The following LURAP1L variants were observed in gnomAD, a reference collection of about 807,000 sequenced individuals.
The protein encoded by LURAP1L is leucine rich adaptor protein 1-like.
Under a neutral mutation model 13.8 loss-of-function variants are expected in LURAP1L, and 12 were observed. The observed-to-expected ratio is 0.87, with a 90% CI of 0.56 to 1.41. The LOEUF (loss-of-function observed/expected upper bound fraction) is 1.41, where lower values mean the gene tolerates loss of function less well. Among genes scored for constraint, LURAP1L ranks in the 40% most tolerant of loss-of-function variants. The probability of loss-of-function intolerance (pLI) is 0.00; values close to 1 mark genes in which losing one functional copy is unlikely to be tolerated. For missense variants in LURAP1L, 375 were observed against 292.9 expected, an observed-to-expected ratio of 1.28 and a Z score of -2.04; for synonymous variants, 139 against 119.2, an observed-to-expected ratio of 1.17 and a Z score of -1.08.
At chr9:12,812,956 T>C (rs1819757960) in intron 1 of LURAP1L, among the ~76,000 whole-genome samples, 1 of 152,300 alleles carries the variant, frequency 6.6e-6, no homozygotes, top group Admixed American at 6.5e-5. Context: ...GAAAAGACAC[T>C]AAAAACTTTG....
At chr9:12,809,427 G>A (rs752167959) in intron 1 of LURAP1L, among the ~76,000 whole-genome samples, 3 of 152,102 alleles carry the variant, frequency 2.0e-5, no homozygotes, top group Non-Finnish European at 4.4e-5. Context: ...CCCATCAAAG[G>A]CATTATTTAT....
chr9:12,782,424 A>T (rs1819285777), intron 1 of LURAP1L, among the ~76,000 whole-genome samples: 1 of 152,178 alleles, frequency 6.6e-6, no homozygotes, highest in Non-Finnish European at 1.5e-5. Flanking sequence ...ATATGGCAAG[A>T]GATAGGGGTC....
At chr9:12,794,912 C>T (rs940331556) in intron 1 of LURAP1L, among the ~76,000 whole-genome samples, 2 of 151,934 alleles carry the variant, frequency 1.3e-5, no homozygotes, top group African/African-American at 2.4e-5. Flanking sequence ...ATGTATTTCA[C>T]GTTACTTAAC....
At chr9:12,811,714 C>A (rs1312670188) in intron 1 of LURAP1L, among the ~76,000 whole-genome samples, 1 of 152,200 alleles carries the variant, frequency 6.6e-6, no homozygotes, top group Non-Finnish European at 1.5e-5. Context: ...TATATACCAA[C>A]AGCATTGGTG....
At chr9:12,794,943 T>C (rs566323676) in intron 1 of LURAP1L, among the ~76,000 whole-genome samples, 2 of 152,000 alleles carry the variant, frequency 1.3e-5, no homozygotes, top group Admixed American at 6.6e-5. Context: ...GTAGGTAAAG[T>C]ATGAGGTTGC....
chr9:12,794,171 T>C (rs1027809633), intron 1 of LURAP1L, among the ~76,000 whole-genome samples: 1 of 152,056 alleles, frequency 6.6e-6, no homozygotes, highest in Admixed American at 6.6e-5. Context: ...AACTGGTTGT[T>C]CCGAGTGCCA....
At chr9:12,785,359 C>T (rs1586875892) in intron 1 of LURAP1L, among the ~76,000 whole-genome samples, 1 of 152,096 alleles carries the variant, frequency 6.6e-6, no homozygotes, top group African/African-American at 2.4e-5. Flanking sequence ...CCTCGGCTGG[C>T]CCAGCTGATG....
intron 1 of LURAP1L, among the ~76,000 whole-genome samples, chr9:12,794,182 T>C (rs1819482870): frequency 1.3e-5 from 2 of 152,066 alleles, no homozygotes; most frequent in South Asian, 2.1e-4. Flanking sequence ...CCGAGTGCCA[T>C]GCAGCAGCCA....
At chr9:12,820,360 G>A (rs556612795) in intron 1 of LURAP1L, among the ~76,000 whole-genome samples, 5 of 151,910 alleles carry the variant, frequency 3.3e-5, no homozygotes, top group Admixed American at 6.5e-5. Context: ...AAAATTAGCC[G>A]GGCGTGGTGG....
At chr9:12,810,183 G>A (rs552421301) in intron 1 of LURAP1L, among the ~76,000 whole-genome samples, 1 of 152,294 alleles carries the variant, frequency 6.6e-6, no homozygotes, top group East Asian at 1.9e-4. Context: ...TGAGAACCTG[G>A]TAGGTTTCCT....
rs374048758 is a variant in LURAP1L, at chr9:12,788,187, G to GAAAGAAAGAAATAAAGA, written c.312+12167_312+12168insGAAATAAAGAAAAGAAA. On this transcript the variant is annotated intron_variant, in intron 1 of 1. Coordinates refer to ENST00000319264, the MANE Select transcript of LURAP1L (RefSeq NM_203403.2). ...AGAAAGAAAGAAAGAAAGAAAGAAAGAAAGAAAAGAAAAGAAAAGAAAAGC... is the reference window on the plus strand; with the variant it reads ...AGAAAGAAAGAAAGAAAGAAAGAAAGAAAGAAAGAAATAAAGAAAAGAAAAGAAAAGAAAAGAAAAGC... Among the ~76,000 whole-genome samples the GAAAGAAAGAAATAAAGA allele has an allele frequency of 1.2e-3, 170 of 136,702 alleles. 2 individuals carry two copies. Among genetic ancestry groups the GAAAGAAAGAAATAAAGA allele is most frequent in the African/African-American group, 4.2e-3 (157 of 37,442 alleles). The allele number at this position is 136,702 out of a possible 152,430, so 89.7% of individuals were successfully genotyped here.
At chr9:12,817,280 A>G (rs2118550108) in intron 1 of LURAP1L, among the ~76,000 whole-genome samples, 1 of 152,236 alleles carries the variant, frequency 6.6e-6, no homozygotes, top group South Asian at 2.1e-4. Context: ...TCCAACAGAC[A>G]ATCCAATCTG....
chr9:12,805,050 A>G (rs1309446958), intron 1 of LURAP1L, among the ~76,000 whole-genome samples: 1 of 152,188 alleles, frequency 6.6e-6, no homozygotes, highest in East Asian at 1.9e-4. Flanking sequence ...AAGTTAAATG[A>G]TGTTTATTTT....
intron 1 of LURAP1L, among the ~76,000 whole-genome samples, chr9:12,776,842 G>C (rs1051810123): frequency 6.6e-6 from 1 of 152,036 alleles, no homozygotes; most frequent in Admixed American, 6.6e-5. Context: ...CATTCTGGAA[G>C]TATTTAGACT....
intron 1 of LURAP1L, among the ~76,000 whole-genome samples, chr9:12,785,891 T>G (rs1407115895): frequency 6.6e-6 from 1 of 152,200 alleles, no homozygotes; most frequent in Non-Finnish European, 1.5e-5. Context: ...GTTGTTCAAC[T>G]TGATGTTTCT....
At chr9:12,819,918 C>T (rs1031366054) in intron 1 of LURAP1L, among the ~76,000 whole-genome samples, 1 of 152,166 alleles carries the variant, frequency 6.6e-6, no homozygotes, top group East Asian at 2.0e-4. Context: ...TGAGCCACTG[C>T]ACTCCCGCCT....
chr9:12,775,584 G>C lies in LURAP1L; in HGVS notation c.-132G>C, dbSNP rs1586871308. 1.2e-5 allele frequency: 17 copies of C among 1,401,064 alleles called. No homozygotes were observed. The highest frequency in any genetic ancestry group is 7.5e-6 in the Non-Finnish European group (8 of 1,068,610). The allele number at this position is 1,401,064 out of a possible 1,614,324, so 86.8% of individuals were successfully genotyped here. A position where few individuals can be genotyped will look rare whatever the true frequency, so the allele number is the denominator to read the frequency against. ...CCGCATAGGCGGTTATGGAAAGGAC[G>C]GTACACCGGAGCGGCGGAGGATAGA... On this transcript the variant is annotated 5_prime_UTR_variant, in exon 1 of 2. Transcript: ENST00000319264.
At chr9:12,805,228 G>C (rs1819640504) in intron 1 of LURAP1L, among the ~76,000 whole-genome samples, 1 of 151,996 alleles carries the variant, frequency 6.6e-6, no homozygotes, top group Non-Finnish European at 1.5e-5. Context: ...TTAGAGATCA[G>C]TTTCTTTATT....
At chr9:12,815,094 A>G (rs529995788) in intron 1 of LURAP1L, among the ~76,000 whole-genome samples, 77 of 152,254 alleles carry the variant, frequency 5.1e-4, no homozygotes, top group African/African-American at 1.8e-3. Flanking sequence ...AGATGATAAT[A>G]TTTTTATGGA....
Sources: gnomAD v4.1 joint callset for allele counts (sites outside exome capture counted in the v4.1 genomes callset) on GRCh38, gnomAD v4.1.1 for gene constraint, MANE v1.5 for transcripts, NCBI Gene and HGNC (gene_info 2026-07-23, HGNC 2026-07-21) for gene names.